LRRC37A2: variants seen among roughly 807,000 people sequenced by gnomAD.
LRRC37A2 encodes leucine-rich repeat-containing protein 37A2.
Under a neutral mutation model 68.8 loss-of-function variants are expected in LRRC37A2, and 9 were observed. The observed-to-expected ratio is 0.13, with a 90% CI of 0.08 to 0.23. The LOEUF is 0.23. LRRC37A2 is among the 10% of genes least tolerant of loss of function. The pLI is 1.00. For synonymous variants in LRRC37A2, 63 were observed against 367.6 expected (o/e 0.17, Z 9.48); for missense variants, 168 against 950.4 (o/e 0.18, Z 10.82).
the LRRC37A2 span, among the ~76,000 whole-genome samples, chr17:46,715,518 T>TTGCA: frequency 6.6e-6 from 1 of 152,254 alleles, no homozygotes; most frequent in Non-Finnish European, 1.5e-5. Flanking sequence ...AGTAGTCATC[T>TTGCA]TTGCAGATGG....
the LRRC37A2 span, among the ~76,000 whole-genome samples, chr17:46,817,409 G>T: frequency 6.6e-6 from 1 of 152,176 alleles, no homozygotes; most frequent in Admixed American, 6.5e-5. Context: ...TGTCCAGGAG[G>T]GGAAGATTCT....
the LRRC37A2 span, among the ~76,000 whole-genome samples, chr17:46,914,177 T>A: frequency 6.6e-6 from 1 of 152,210 alleles, no homozygotes; most frequent in Non-Finnish European, 1.5e-5. Context: ...GTAAGGGAAG[T>A]GGGACATAGT....
At chr17:46,954,800 A>G in the LRRC37A2 span, among the ~76,000 whole-genome samples, 1 of 152,172 alleles carries the variant, frequency 6.6e-6, no homozygotes, top group Admixed American at 6.5e-5. Flanking sequence ...TGTGAATGGG[A>G]GTTCACTCAT....
At chr17:47,013,501 C>A in the LRRC37A2 span, among the ~76,000 whole-genome samples, 1 of 152,228 alleles carries the variant, frequency 6.6e-6, no homozygotes, top group Non-Finnish European at 1.5e-5. Flanking sequence ...AGAATCCAGA[C>A]TGATCTCATA....
At chr17:46,979,135 C>T in the LRRC37A2 span, 1 of 1,046,344 alleles carries the variant, frequency 9.6e-7, no homozygotes, top group Non-Finnish European at 1.3e-6. Flanking sequence ...GGGACGAAGG[C>T]GGGAGGCTGG....
At chr17:47,035,565 T>G in the LRRC37A2 span, among the ~76,000 whole-genome samples, 118 of 152,368 alleles carry the variant, frequency 7.7e-4, no homozygotes, top group African/African-American at 2.7e-3. Context: ...CATTCATCAC[T>G]TAGTGGACAT....
At chr17:46,881,658 A>G in the LRRC37A2 span, among the ~76,000 whole-genome samples, 9 of 151,562 alleles carry the variant, frequency 5.9e-5, no homozygotes, top group African/African-American at 2.2e-4. Context: ...AGACCCCTCC[A>G]CCTCCAGCTG....
At chr17:46,771,259 G>A in the LRRC37A2 span, among the ~76,000 whole-genome samples, 1 of 152,102 alleles carries the variant, frequency 6.6e-6, no homozygotes, top group Non-Finnish European at 1.5e-5. Context: ...ACCGAGGACG[G>A]CGGCAAGGGG....
At chr17:46,804,591 T>C in the LRRC37A2 span, among the ~76,000 whole-genome samples, 5 of 152,036 alleles carry the variant, frequency 3.3e-5, no homozygotes, top group Non-Finnish European at 1.5e-5. Context: ...TTGCAGGAAG[T>C]TGTAGAAAAG....
At chr17:46,780,725 T>C in the LRRC37A2 span, among the ~76,000 whole-genome samples, 20 of 151,482 alleles carry the variant, frequency 1.3e-4, no homozygotes, top group Non-Finnish European at 1.9e-4. Flanking sequence ...TGCAGTGAGC[T>C]GAGATGGCGC....
the LRRC37A2 span, among the ~76,000 whole-genome samples, chr17:46,709,871 G>T: frequency 6.6e-6 from 1 of 152,084 alleles, no homozygotes; most frequent in African/African-American, 2.4e-5. Flanking sequence ...TACTGAATTT[G>T]CCATATCTAG....
At chr17:46,758,233 T>C in the LRRC37A2 span, among the ~76,000 whole-genome samples, 2 of 152,232 alleles carry the variant, frequency 1.3e-5, no homozygotes, top group African/African-American at 4.8e-5. Flanking sequence ...ATCCTTAGCA[T>C]TGGCTCAGTT....
At chr17:46,494,246 G>A in the LRRC37A2 span, among the ~76,000 whole-genome samples, 1 of 150,908 alleles carries the variant, frequency 6.6e-6, no homozygotes, top group Non-Finnish European at 1.5e-5. Flanking sequence ...TGTGCCTTGT[G>A]TTTCATTGTC....
chr17:46,808,556 G>A, the LRRC37A2 span, among the ~76,000 whole-genome samples: 10 of 152,328 alleles, frequency 6.6e-5, no homozygotes, highest in South Asian at 2.1e-4. Context: ...TGCCCAGGCT[G>A]CACTGTGGGA....
the LRRC37A2 span, chr17:46,924,115 T>G: frequency 1.1e-5 from 4 of 353,278 alleles, 1 homozygote; most frequent in South Asian, 6.0e-4. Flanking sequence ...TGTTAATCAG[T>G]AGCACTTCAT....
At chr17:47,000,058 TAAAATTAAAATAAAATAA>T in the LRRC37A2 span, among the ~76,000 whole-genome samples, 2 of 25,954 alleles carry the variant, frequency 7.7e-5, no homozygotes, top group Non-Finnish European at 1.1e-4. Flanking sequence ...TAAAATAAAA[TAAAATTAAAATAAAATAA>T]AAAATAAAAT....
the LRRC37A2 span, among the ~76,000 whole-genome samples, chr17:46,839,912 T>TTTTTTC: frequency 8.8e-6 from 1 of 113,332 alleles, no homozygotes; most frequent in Non-Finnish European, 1.8e-5. Flanking sequence ...ACATTTTCTC[T>TTTTTTC]TTTCTTTCTT....
At chr17:46,492,333 T>C in the LRRC37A2 span, among the ~76,000 whole-genome samples, 1 of 151,024 alleles carries the variant, frequency 6.6e-6, no homozygotes, top group Non-Finnish European at 1.5e-5. Context: ...GTATTTAAGA[T>C]TCATCTGTGT....
the LRRC37A2 span, among the ~76,000 whole-genome samples, chr17:46,823,161 ATATAT>A: frequency 8.2e-5 from 11 of 133,760 alleles, no homozygotes; most frequent in East Asian, 2.2e-3. Flanking sequence ...TTTATATATT[ATATAT>A]TATATATTTA....
Sources: gnomAD v4.1 joint callset for allele counts (sites outside exome capture counted in the v4.1 genomes callset) on GRCh38, gnomAD v4.1.1 for gene constraint, MANE v1.5 for transcripts, NCBI Gene and HGNC (gene_info 2026-07-23, HGNC 2026-07-21) for gene names.